PMM1: variants seen among roughly 807,000 people sequenced by gnomAD.
The protein encoded by PMM1 is phosphomannomutase 1.
PMM1 carries 25 observed loss-of-function variants against 34.0 expected under a neutral mutation model. That is an observed-to-expected ratio of 0.73 (90% CI 0.54 to 1.03). The LOEUF is 1.03. Among genes scored for constraint, PMM1 ranks in the 50% least tolerant of loss-of-function variants. PMM1 has a pLI of 0.00. For missense variants in PMM1, 321 were observed against 350.1 expected, an observed-to-expected ratio of 0.92 and a Z score of 0.66; for synonymous variants, 134 against 143.9, an observed-to-expected ratio of 0.93 and a Z score of 0.49.
At chr22:41,589,404 A>C in intron 1 of PMM1, 1 of 489,772 alleles carries the variant, frequency 2.0e-6, no homozygotes, top group Non-Finnish European at 3.8e-6. Flanking sequence ...TCCGTGAGCC[A>C]GGCCTTAGCG....
Position 41,577,926 on chromosome 22 carries a change from G to C in PMM1, c.551-3C>G. 6.2e-7 allele frequency: 1 copy of C among 1,602,454 alleles called. No homozygotes were observed. The highest frequency in any genetic ancestry group is 1.7e-4 in the Middle Eastern group (1 of 6,040). On this transcript the variant is annotated splice_polypyrimidine_tract_variant and splice_region_variant and intron_variant, in intron 6 of 7. Transcript: ENST00000216259. ...GACGTCAAAGCTGATCATGCCTCCT[G>C]TGGGCAGGGGTGGGGACTGTTATTC...
rs766332660 is a variant in PMM1, at chr22:41,586,071, C to G, written c.205+5G>C. The stretch of plus-strand genomic sequence containing the variant: ...CACTCCCTCTACCCCCAGCCTCACT[C>G]CTACCTTCATCCCCGTCACCCAGCT... On this transcript the variant is annotated splice_donor_5th_base_variant and intron_variant, in intron 2 of 7. Transcript: ENST00000216259. The G allele has an allele frequency of 6.2e-7, 1 of 1,605,274 alleles. No individual in the cohort carries two copies.
chr22:41,580,419 G>C (rs1427334049), intron 5 of PMM1: 2 of 152,264 alleles, frequency 1.3e-5, no homozygotes, highest in Non-Finnish European at 2.9e-5. Context: ...TGGGGAGTTA[G>C]GGTGTGGCTC....
At chr22:41,580,461 C>T (rs551162261) in intron 5 of PMM1, 1 of 152,318 alleles carries the variant, frequency 6.6e-6, no homozygotes, top group East Asian at 1.9e-4. Flanking sequence ...GTCCATGTGC[C>T]ACCTCATCCA....
intron 1 of PMM1, 86 bp downstream of exon 1, chr22:41,589,633 G>A (rs2067356777): frequency 4.2e-6 from 5 of 1,194,110 alleles, no homozygotes; most frequent in Non-Finnish European, 3.6e-6. Flanking sequence ...GGGTGTCCAC[G>A]GTCACGCTGC....
Position 41,577,866 on chromosome 22 carries a change from T to C in PMM1, c.608A>G (p.Asp203Gly), listed in dbSNP as rs777727294. ...PEGWDKRYCLDSLDQDSFDTI... is the reference protein window; with the variant it reads ...PEGWDKRYCLGSLDQDSFDTI... ...GTCGAAGCTGTCCTGGTCCAGGCTA[T>C]CCAGGCAGTAGCGCTTGTCCCAGCC... The change falls in exon 7 of 8, where the codon GAT becomes GGT. Residue 203 changes from aspartate to glycine, a missense_variant. Asp to Gly is a moderately conservative substitution (Grantham distance 94). Coordinates refer to ENST00000216259, the MANE Select transcript of PMM1 (RefSeq NM_002676.3). 18 of 1,613,414 alleles carry C rather than the reference T, an allele frequency of 1.1e-5. 1 individual carries two copies. In the South Asian group the frequency reaches 1.4e-4, roughly 13 times the overall value.
At chr22:41,583,171 G>C (rs528838682) in intron 5 of PMM1, among the ~76,000 whole-genome samples, 1 of 152,000 alleles carries the variant, frequency 6.6e-6, no homozygotes, top group Non-Finnish European at 1.5e-5. Flanking sequence ...GGGTGAATGC[G>C]GCTGACATGT....
chr22:41,587,186 C>T (rs1386374007), intron 1 of PMM1, among the ~76,000 whole-genome samples: 2 of 150,392 alleles, frequency 1.3e-5, no homozygotes, highest in African/African-American at 2.4e-5. Flanking sequence ...AGGAGAATGG[C>T]GTGAACTTGG....
Position 41,584,794 on chromosome 22 carries a change from G to C in PMM1, c.206-191C>G, listed in dbSNP as rs146889744. On this transcript the variant is annotated intron_variant, in intron 2 of 7. Coordinates refer to ENST00000216259, the MANE Select transcript of PMM1 (RefSeq NM_002676.3). ...GCTTGGTTTTCTTCCAAAGAAGCCAGTCACACCTGTGGGCCTCTGCACACA... is the reference window on the plus strand; with the variant it reads ...GCTTGGTTTTCTTCCAAAGAAGCCACTCACACCTGTGGGCCTCTGCACACA... The C allele has an allele frequency of 1.1e-3, 614 of 576,458 alleles. 4 individuals are homozygous for C. The East Asian group carries it at 0.016, about 15-fold the overall frequency. The allele number at this position is 576,458 out of a possible 1,614,324, so 35.7% of individuals were successfully genotyped here.
intron 5 of PMM1, 47 bp from the exon 6 acceptor site, chr22:41,578,928 G>A (rs776618930): frequency 6.5e-7 from 1 of 1,535,926 alleles, no homozygotes; most frequent in South Asian, 1.1e-5. Flanking sequence ...CCTGCTGTGT[G>A]CCAGGCCCTG....
chr22:41,577,605 G>A, intron 7 of PMM1, 165 bp from the exon 8 acceptor site: 1 of 907,462 alleles, frequency 1.1e-6, no homozygotes, highest in Non-Finnish European at 1.7e-6. Flanking sequence ...TAGAACAAGT[G>A]CCCAGCCTCT....
intron 1 of PMM1, chr22:41,589,116 G>A: frequency 7.7e-7 from 1 of 1,304,178 alleles, no homozygotes; most frequent in Non-Finnish European, 1.0e-6. Context: ...CATCCGGGTG[G>A]GTAGAGCTCA....
intron 1 of PMM1, among the ~76,000 whole-genome samples, chr22:41,586,894 G>C (rs1218754078): frequency 2.1e-5 from 3 of 145,552 alleles, no homozygotes; most frequent in Non-Finnish European, 3.0e-5. Context: ...CAGGAGGGTG[G>C]ATCACTTGAT....
intron 1 of PMM1, among the ~76,000 whole-genome samples, chr22:41,586,802 C>A (rs2067312933): frequency 6.7e-6 from 1 of 149,026 alleles, no homozygotes; most frequent in Non-Finnish European, 1.5e-5. Flanking sequence ...AGCCACCGTG[C>A]CTGGCCGAAA....
At chr22:41,584,440 C>T in intron 3 of PMM1, 68 bp from the exon 4 acceptor site, 1 of 1,574,652 alleles carries the variant, frequency 6.4e-7, no homozygotes, top group South Asian at 1.1e-5. Flanking sequence ...CACAGTGTCT[C>T]TCCCCCAGCC....
chr22:41,588,935 C>CA, intron 1 of PMM1: 1 of 1,158,740 alleles, frequency 8.6e-7, no homozygotes, highest in Non-Finnish European at 1.1e-6. Flanking sequence ...CTGATGCATC[C>CA]AGCTGGTGAG....
chr22:41,579,517 G>C (rs2067216593), intron 5 of PMM1: 1 of 152,920 alleles, frequency 6.5e-6, no homozygotes. Context: ...AAGGGGAGCA[G>C]CTATGCCCAG....
chr22:41,585,784 T>C (rs2067300722), intron 2 of PMM1, among the ~76,000 whole-genome samples: 1 of 152,130 alleles, frequency 6.6e-6, no homozygotes, highest in Admixed American at 6.5e-5. Flanking sequence ...TAAGCCACTG[T>C]GCCGGCTGGT....
chr22:41,579,198 T>G, intron 5 of PMM1: 1 of 351,632 alleles, frequency 2.8e-6, no homozygotes, highest in South Asian at 3.0e-5. Context: ...CCCACATCAG[T>G]GTCCACCTCA....
Sources: gnomAD v4.1 joint callset for allele counts (sites outside exome capture counted in the v4.1 genomes callset) on GRCh38, gnomAD v4.1.1 for gene constraint, MANE v1.5 for transcripts, NCBI Gene and HGNC (gene_info 2026-07-23, HGNC 2026-07-21) for gene names.